Variants in GLIS3 observed in about 807,000 individuals in gnomAD.
GLIS3 encodes zinc finger protein GLIS3.
A neutral mutation model predicts 78.6 loss-of-function variants in GLIS3; 53 were observed. That is an observed-to-expected ratio of 0.67 (90% CI 0.54 to 0.85). The LOEUF (loss-of-function observed/expected upper bound fraction) is 0.85. Ranked by LOEUF, GLIS3 falls within the 40% of genes least tolerant of loss-of-function variation. The pLI is 0.00. For missense variants in GLIS3, 1,703 were observed against 1,231.1 expected (o/e 1.38, Z -5.74); for synonymous variants, 684 against 509.9 (o/e 1.34, Z -4.60).
chr9:4,330,287 GA>G, intron 2 of GLIS3, among the ~76,000 whole-genome samples: 2 of 152,342 alleles, frequency 1.3e-5, no homozygotes, highest in South Asian at 4.2e-4. Flanking sequence ...AAATCACCTG[GA>G]AGGCCTGTTA....
At chr9:4,024,661 C>G (rs762487009) in intron 4 of GLIS3, among the ~76,000 whole-genome samples, 1 of 152,204 alleles carries the variant, frequency 6.6e-6, no homozygotes, top group Non-Finnish European at 1.5e-5. Context: ...TTCCTGATTG[C>G]TGATAAAACT....
the GLIS3 span, among the ~76,000 whole-genome samples, chr9:4,467,393 C>T: frequency 6.6e-6 from 1 of 152,228 alleles, no homozygotes; most frequent in Non-Finnish European, 1.5e-5. Flanking sequence ...TAGGTGGCCA[C>T]TGATACCTCA....
At chr9:4,207,330 G>A (rs1819973354) in intron 2 of GLIS3, among the ~76,000 whole-genome samples, 1 of 152,200 alleles carries the variant, frequency 6.6e-6, no homozygotes, top group South Asian at 2.1e-4. Context: ...GACAAGAGGA[G>A]CACTCTTAAC....
chr9:3,945,195 T>C (rs1214283123), intron 4 of GLIS3, among the ~76,000 whole-genome samples: 2 of 152,236 alleles, frequency 1.3e-5, no homozygotes, highest in Non-Finnish European at 2.9e-5. Context: ...ACCAAAGTAT[T>C]TGATTTTCTG....
intron 9 of GLIS3, among the ~76,000 whole-genome samples, chr9:3,845,305 C>T (rs1818961361): frequency 6.6e-6 from 1 of 151,976 alleles, no homozygotes; most frequent in African/African-American, 2.4e-5. Flanking sequence ...AGTCATAAAA[C>T]AAAATATAGA....
the GLIS3 span, among the ~76,000 whole-genome samples, chr9:4,414,568 G>T: frequency 6.6e-6 from 1 of 152,146 alleles, no homozygotes; most frequent in Non-Finnish European, 1.5e-5. Context: ...TATCCTGCCT[G>T]CTTCAGGATT....
intron 6 of GLIS3, among the ~76,000 whole-genome samples, chr9:3,931,434 T>A (rs1825607340): frequency 6.6e-6 from 1 of 152,154 alleles, no homozygotes; most frequent in Admixed American, 6.5e-5. Context: ...TCACTTGAAA[T>A]ACGTTGAGTC....
At chr9:3,894,338 T>C (rs1822670915) in intron 7 of GLIS3, among the ~76,000 whole-genome samples, 1 of 152,238 alleles carries the variant, frequency 6.6e-6, no homozygotes, top group Non-Finnish European at 1.5e-5. Context: ...AACCCTCTAA[T>C]AAATCTCTAA....
chr9:4,323,190 T>C (rs1817562765), intron 2 of GLIS3, among the ~76,000 whole-genome samples: 2 of 152,302 alleles, frequency 1.3e-5, no homozygotes, highest in Non-Finnish European at 2.9e-5. Context: ...CCATTGCTTG[T>C]TTTTCTCAGG....
chr9:4,353,768 T>C, the GLIS3 span, among the ~76,000 whole-genome samples: 8 of 152,158 alleles, frequency 5.3e-5, no homozygotes, highest in Middle Eastern at 3.2e-3. Flanking sequence ...CAAAGATGTA[T>C]GTTCTGAATT....
chr9:4,201,751 G>A (rs1446937572), intron 2 of GLIS3, among the ~76,000 whole-genome samples: 3 of 152,066 alleles, frequency 2.0e-5, no homozygotes, highest in East Asian at 1.9e-4. Context: ...CCATTACAAC[G>A]ACCATACTGG....
chr9:3,839,402 T>C (rs1818577551), intron 9 of GLIS3, among the ~76,000 whole-genome samples: 1 of 152,202 alleles, frequency 6.6e-6, no homozygotes, highest in African/African-American at 2.4e-5. Context: ...TTCCTTGCTT[T>C]GGCATTTTGG....
chr9:4,226,474 G>C (rs1237595999), intron 2 of GLIS3, among the ~76,000 whole-genome samples: 3 of 152,142 alleles, frequency 2.0e-5, no homozygotes, highest in Non-Finnish European at 2.9e-5. Context: ...GAGAAAGTTA[G>C]GGTGTGCTAT....
chr9:3,829,796 G>T (rs529930554), intron 9 of GLIS3, among the ~76,000 whole-genome samples: 8 of 152,150 alleles, frequency 5.3e-5, no homozygotes, highest in Non-Finnish European at 1.0e-4. Context: ...TTCAAGGCCT[G>T]ACCTTCAGGG....
intron 4 of GLIS3, among the ~76,000 whole-genome samples, chr9:4,091,950 C>G (rs1263215072): frequency 6.6e-6 from 1 of 151,964 alleles, no homozygotes; most frequent in African/African-American, 2.4e-5. Context: ...AAATGATACA[C>G]TTGTATAGAG....
At chr9:4,096,009 C>CAA (rs34499061) in intron 4 of GLIS3, among the ~76,000 whole-genome samples, 6 of 103,540 alleles carry the variant, frequency 5.8e-5, no homozygotes, top group South Asian at 3.5e-4. Flanking sequence ...GTAACCTATA[C>CAA]AAAAAAAAAA....
intron 4 of GLIS3, among the ~76,000 whole-genome samples, chr9:4,061,156 G>A (rs919224354): frequency 6.6e-6 from 1 of 151,670 alleles, no homozygotes; most frequent in Admixed American, 6.6e-5. Flanking sequence ...ATGTTGGTGT[G>A]CTGCACCCAT....
chr9:4,487,322 GT>G, the GLIS3 span, among the ~76,000 whole-genome samples: 1 of 152,052 alleles, frequency 6.6e-6, no homozygotes, highest in African/African-American at 2.4e-5. Flanking sequence ...AAAATTGGTG[GT>G]GATATTTGTT....
chr9:3,853,057 A>T (rs1819534976), intron 9 of GLIS3, among the ~76,000 whole-genome samples: 1 of 152,070 alleles, frequency 6.6e-6, no homozygotes, highest in Non-Finnish European at 1.5e-5. Flanking sequence ...AAAACAATAA[A>T]TGAAATTAGC....
Sources: gnomAD v4.1 joint callset for allele counts (sites outside exome capture counted in the v4.1 genomes callset) on GRCh38, gnomAD v4.1.1 for gene constraint, MANE v1.5 for transcripts, NCBI Gene and HGNC (gene_info 2026-07-23, HGNC 2026-07-21) for gene names.